The following PRMT3 variants were observed in gnomAD, a reference collection of about 807,000 sequenced individuals.
PRMT3 encodes the protein protein arginine methyltransferase 3.
Under a neutral mutation model 71.9 loss-of-function variants are expected in PRMT3, and 62 were observed. The observed-to-expected ratio is 0.86, with a 90% CI of 0.70 to 1.07. The LOEUF is 1.07. Ranked by LOEUF, PRMT3 falls within the 50% of genes least tolerant of loss-of-function variation. The probability of loss-of-function intolerance (pLI) is 0.00; values close to 1 mark genes in which losing one functional copy is unlikely to be tolerated. For missense variants in PRMT3, 663 were observed against 643.0 expected (o/e 1.03, Z -0.34); for synonymous variants, 213 against 220.4 (o/e 0.97, Z 0.30).
At chr11:20,492,925 C>T (rs1040732693) in intron 13 of PRMT3, among the ~76,000 whole-genome samples, 6 of 152,062 alleles carry the variant, frequency 3.9e-5, no homozygotes, top group Admixed American at 6.5e-5. Context: ...GGTGTGGTGG[C>T]GCACGCCTGT....
At chr11:20,491,609 G>C (rs935445051) in intron 13 of PRMT3, among the ~76,000 whole-genome samples, 1 of 152,156 alleles carries the variant, frequency 6.6e-6, no homozygotes, top group African/African-American at 2.4e-5. Flanking sequence ...CTAGTTTACG[G>C]ATTAGTCTGA....
chr11:20,505,681 CCAAAATAGAAAAGT>C (rs1397865378), intron 15 of PRMT3, among the ~76,000 whole-genome samples: 1 of 151,818 alleles, frequency 6.6e-6, no homozygotes, highest in African/African-American at 2.4e-5. Context: ...AATAAAATAG[CCAAAATAGAAAAGT>C]CAAAATAGGA....
intron 11 of PRMT3, among the ~76,000 whole-genome samples, chr11:20,459,230 C>G (rs7952415): frequency 6.6e-6 from 1 of 152,092 alleles, no homozygotes; most frequent in Admixed American, 6.5e-5. Context: ...TTTAAAACTT[C>G]AGCAAGATTT....
At chr11:20,419,324 G>A (rs1013318839) in intron 9 of PRMT3, among the ~76,000 whole-genome samples, 2 of 152,146 alleles carry the variant, frequency 1.3e-5, no homozygotes, top group Admixed American at 6.5e-5. Context: ...ATCTGTTTAT[G>A]CCTTTTGCTC....
At chr11:20,424,935 C>A (rs1462413014) in intron 9 of PRMT3, among the ~76,000 whole-genome samples, 1 of 152,014 alleles carries the variant, frequency 6.6e-6, no homozygotes. Context: ...GAAGCCCCAT[C>A]TCTACAAAGA....
intron 2 of PRMT3, among the ~76,000 whole-genome samples, chr11:20,388,779 G>T (rs1848651566): frequency 6.6e-6 from 1 of 152,238 alleles, no homozygotes; most frequent in Non-Finnish European, 1.5e-5. Flanking sequence ...GCTGTGGTGT[G>T]CTTATTTCCA....
chr11:20,404,211 G>GTTTTTTTTTGTTTTGTTTTGTTTTTTT (rs1849013967), intron 8 of PRMT3, among the ~76,000 whole-genome samples: 1 of 34,338 alleles, frequency 2.9e-5, no homozygotes, highest in African/African-American at 1.3e-4. Flanking sequence ...ACTTTTCATA[G>GTTTTTTTTTGTTTTGTTTTGTTTTTTT]TTTTTTTTTT....
intron 5 of PRMT3, among the ~76,000 whole-genome samples, chr11:20,394,042 A>C (rs1054817268): frequency 3.3e-5 from 5 of 152,236 alleles, no homozygotes; most frequent in African/African-American, 1.2e-4. Flanking sequence ...CAAGAATTCA[A>C]CTTAGGCTGT....
intron 7 of PRMT3, among the ~76,000 whole-genome samples, chr11:20,402,174 C>T (rs1342667444): frequency 1.3e-5 from 2 of 151,882 alleles, no homozygotes; most frequent in Non-Finnish European, 2.9e-5. Flanking sequence ...GGCTGGAGTG[C>T]AATGGTGCAA....
At chr11:20,471,608 ACTG>A in intron 13 of PRMT3, among the ~76,000 whole-genome samples, 2 of 152,242 alleles carry the variant, frequency 1.3e-5, no homozygotes, top group African/African-American at 4.8e-5. Flanking sequence ...TGTTTTGGTT[ACTG>A]TAGCCATATG....
At chr11:20,476,280 G>A (rs1028411813) in intron 13 of PRMT3, among the ~76,000 whole-genome samples, 1 of 152,042 alleles carries the variant, frequency 6.6e-6, no homozygotes, top group Admixed American at 6.6e-5. Context: ...TTGAACCCAG[G>A]AGGCAGAGGT....
intron 11 of PRMT3, among the ~76,000 whole-genome samples, chr11:20,452,444 C>T (rs893127419): frequency 1.3e-5 from 2 of 152,018 alleles, no homozygotes; most frequent in Admixed American, 1.3e-4. Flanking sequence ...ATTAAAAGGT[C>T]CTTTTAATAA....
In PRMT3 at chr11:20,456,965, CT is replaced by C. The variant is rs1850279937; in HGVS notation, c.1072+4758del. ...CTTGGCTCACTGCAACCTTTGCCTTCTGGGTGTAAGCAATTCTCCTGCCTCA... is the reference window on the plus strand; with the variant it reads ...CTTGGCTCACTGCAACCTTTGCCTTCGGGTGTAAGCAATTCTCCTGCCTCA... On this transcript the variant is annotated intron_variant, in intron 11 of 15. Transcript: ENST00000331079. 2.0e-5 allele frequency among the ~76,000 whole-genome samples: 3 copies of C among 152,090 alleles called. No individual in the cohort carries two copies. The South Asian group carries it at 6.2e-4, about 32-fold the overall frequency.
At chr11:20,424,415 C>G (rs980688986) in intron 9 of PRMT3, among the ~76,000 whole-genome samples, 1 of 152,092 alleles carries the variant, frequency 6.6e-6, no homozygotes, top group African/African-American at 2.4e-5. Flanking sequence ...ACAAAGATAT[C>G]AAAGTAATTC....
At chr11:20,433,900 G>A (rs756622948) in intron 10 of PRMT3, among the ~76,000 whole-genome samples, 21 of 152,056 alleles carry the variant, frequency 1.4e-4, no homozygotes, top group Admixed American at 3.9e-4. Flanking sequence ...GATTATAGGC[G>A]TGCACCACCA....
At chr11:20,492,382 A>C (rs1235777759) in intron 13 of PRMT3, among the ~76,000 whole-genome samples, 1 of 152,240 alleles carries the variant, frequency 6.6e-6, no homozygotes, top group Non-Finnish European at 1.5e-5. Flanking sequence ...TTTTATGATA[A>C]TCTGTGGCTG....
chr11:20,442,045 A>G (rs1849919949), intron 10 of PRMT3, among the ~76,000 whole-genome samples: 1 of 152,130 alleles, frequency 6.6e-6, no homozygotes, highest in Non-Finnish European at 1.5e-5. Context: ...TGCCTGCCTC[A>G]GCCTCCCAAA....
At chr11:20,488,398 C>T (rs561457154) in intron 13 of PRMT3, among the ~76,000 whole-genome samples, 7 of 152,228 alleles carry the variant, frequency 4.6e-5, no homozygotes, top group Admixed American at 2.0e-4. Flanking sequence ...TTGCTTCAGA[C>T]TCATCAGTTG....
At chr11:20,500,778 GGAAGA>G (rs1851440350) in intron 15 of PRMT3, among the ~76,000 whole-genome samples, 1 of 152,170 alleles carries the variant, frequency 6.6e-6, no homozygotes, top group Non-Finnish European at 1.5e-5. Flanking sequence ...TAAAACTTCT[GGAAGA>G]AATAATATTT....
Sources: allele counts gnomAD v4.1 joint callset (sites outside exome capture counted in the v4.1 genomes callset), GRCh38; gene constraint gnomAD v4.1.1; transcripts MANE v1.5; gene names NCBI Gene and HGNC (gene_info 2026-07-23, HGNC 2026-07-21).